The following HCN1 variants were observed in gnomAD, a reference collection of about 807,000 sequenced individuals.
HCN1 encodes the protein hyperpolarization activated cyclic nucleotide gated potassium channel 1.
In HCN1, 13 loss-of-function variants were observed where a neutral mutation model predicts 78.9. The ratio of observed to expected loss-of-function variants is 0.16; its 90% confidence interval spans 0.11 to 0.26. HCN1 has a LOEUF of 0.26. HCN1 is among the 10% of genes least tolerant of loss of function. The probability of loss-of-function intolerance (pLI) is 1.00; values close to 1 mark genes in which losing one functional copy is unlikely to be tolerated. For synonymous variants in HCN1, 552 were observed against 455.5 expected (o/e 1.21, Z -2.70); for missense variants, 810 against 1,154.3 (o/e 0.70, Z 4.32).
At chr5:45,366,597 A>G (rs565580778) in intron 4 of HCN1, among the ~76,000 whole-genome samples, 12 of 151,792 alleles carry the variant, frequency 7.9e-5, no homozygotes, top group African/African-American at 2.9e-4. Flanking sequence ...TTTCTATCTT[A>G]TTGTTTGTAG....
rs1201966482 is a variant in HCN1 at position 45,599,826 on chromosome 5, T to G, written c.849+45359A>C. 9.4e-5 allele frequency among the ~76,000 whole-genome samples: 14 copies of G among 149,040 alleles called. No homozygotes were observed. The East Asian group carries it at 1.4e-3, about 15-fold the overall frequency. On this transcript the variant is annotated intron_variant, in intron 2 of 7. Transcript: ENST00000303230. ...TTGCACACTAGAGTAGCATTTTCTG[T>G]TTTTTTTTTCCATCTTTTTTTATCC... is the stretch of plus-strand genomic sequence containing the variant.
intron 1 of HCN1, among the ~76,000 whole-genome samples, chr5:45,679,109 G>C (rs574380878): frequency 6.6e-6 from 1 of 152,164 alleles, no homozygotes; most frequent in Admixed American, 6.6e-5. Context: ...GCATATGACT[G>C]AATACCTCTG....
Position 45,618,383 on chromosome 5 carries a change from A to G in HCN1, c.849+26802T>C, listed in dbSNP as rs1313530868. The stretch of plus-strand genomic sequence containing the variant: ...TAGCTTATACCTGAACTAGAAGCCT[A>G]TAGTGATTGTGGGAACAAAGAGGTT... On this transcript the variant is annotated intron_variant, in intron 2 of 7. Transcript: ENST00000303230. Among the ~76,000 whole-genome samples the G allele has an allele frequency of 3.3e-5, 5 of 152,242 alleles. No individual in the cohort carries two copies. In the East Asian group the frequency reaches 7.7e-4, roughly 24 times the overall value.
intron 1 of HCN1, among the ~76,000 whole-genome samples, chr5:45,680,451 G>T (rs1739682299): frequency 1.3e-5 from 2 of 152,092 alleles, no homozygotes; most frequent in African/African-American, 2.4e-5. Flanking sequence ...AAAAAGATTT[G>T]CATCCCAAAA....
intron 2 of HCN1, among the ~76,000 whole-genome samples, chr5:45,583,161 T>C (rs1744122900): frequency 6.6e-6 from 1 of 152,046 alleles, no homozygotes; most frequent in Non-Finnish European, 1.5e-5. Flanking sequence ...GTCCTGGACT[T>C]TATTTGGTTG....
intron 3 of HCN1, among the ~76,000 whole-genome samples, chr5:45,413,637 A>G (rs545762709): frequency 3.9e-5 from 6 of 152,086 alleles, no homozygotes; most frequent in Non-Finnish European, 8.8e-5. Context: ...CAGAGGTAGA[A>G]ATGAAAAAGG....
chr5:45,289,374 C>T (rs1745329290), intron 6 of HCN1, among the ~76,000 whole-genome samples: 1 of 152,016 alleles, frequency 6.6e-6, no homozygotes, highest in Non-Finnish European at 1.5e-5. Context: ...TGCTTTCATG[C>T]AGTTGTACTT....
rs781215484 is a variant in HCN1 at position 45,695,326 on chromosome 5, G to A, written c.425+343C>T. Among the ~76,000 whole-genome samples, 75 of 152,182 alleles carry A rather than the reference G, an allele frequency of 4.9e-4. 1 individual carries two copies. The highest frequency in any genetic ancestry group is 8.7e-4 in the Non-Finnish European group (59 of 68,002). ...GAAGGGTGGCTTCCCGCTTCCTCAC[G>A]CTCTCGTCTCTGAAGTAAAAGTTTC... On this transcript the variant is annotated intron_variant, in intron 1 of 7. Coordinates refer to ENST00000303230, the MANE Select transcript of HCN1 (RefSeq NM_021072.4).
rs1561077069 is a variant in HCN1, at chr5:45,257,964, T to TTTTTTTTTTTTTTTGAG, written c.*3956_*3957insCTCAAAAAAAAAAAAAA. The TTTTTTTTTTTTTTTGAG allele has an allele frequency of 1.3e-5, 2 of 151,930 alleles. No individual in the cohort carries two copies. The highest frequency in any genetic ancestry group is 4.9e-5 in the African/African-American group (2 of 41,218). The allele number at this position is 151,930 out of a possible 1,614,324, so 9.4% of individuals were successfully genotyped here. ...CCCATGGTACAGTATGAGTACTTTT[T>TTTTTTTTTTTTTTTGAG]AAAGTAGGTGAACATAAAATAAAAG... On this transcript the variant is annotated 3_prime_UTR_variant, in exon 8 of 8. Coordinates refer to ENST00000303230, the MANE Select transcript of HCN1 (RefSeq NM_021072.4).
chr5:45,454,788 AT>A (rs1231979609), intron 3 of HCN1, among the ~76,000 whole-genome samples: 1 of 152,128 alleles, frequency 6.6e-6, no homozygotes, highest in Non-Finnish European at 1.5e-5. Context: ...TAGAATGGCA[AT>A]AGATAAAATA....
chr5:45,298,244 A>G (rs1478350589), intron 6 of HCN1, among the ~76,000 whole-genome samples: 1 of 152,000 alleles, frequency 6.6e-6, no homozygotes, highest in East Asian at 1.9e-4. Context: ...ATAATCGGAG[A>G]GAACTGGTAG....
At chr5:45,677,620 TTTTG>T (rs1739599986) in intron 1 of HCN1, among the ~76,000 whole-genome samples, 2 of 151,866 alleles carry the variant, frequency 1.3e-5, no homozygotes, top group South Asian at 4.1e-4. Context: ...TGTTGTTCTG[TTTTG>T]TTTATTTCTT....
chr5:45,598,362 T>C (rs1319525672), intron 2 of HCN1, among the ~76,000 whole-genome samples: 4 of 152,104 alleles, frequency 2.6e-5, no homozygotes. Flanking sequence ...TGGCTAGCCA[T>C]ATGTAGAAAG....
At chr5:45,524,890 C>G (rs1356697505) in intron 2 of HCN1, among the ~76,000 whole-genome samples, 1 of 152,120 alleles carries the variant, frequency 6.6e-6, no homozygotes, top group Non-Finnish European at 1.5e-5. Context: ...ACTTCCAACA[C>G]TATGTTGAAT....
chr5:45,566,040 G>T (rs1216532617), intron 2 of HCN1, among the ~76,000 whole-genome samples: 3 of 152,022 alleles, frequency 2.0e-5, no homozygotes, highest in African/African-American at 7.2e-5. Flanking sequence ...ATTAGTCATG[G>T]TTCTCTTAAA....
chr5:45,455,687 A>G (rs1460046341), intron 3 of HCN1, among the ~76,000 whole-genome samples: 2 of 142,304 alleles, frequency 1.4e-5, no homozygotes, highest in African/African-American at 2.6e-5. Flanking sequence ...TTCGCCCCCT[A>G]TGTTTCTGTA....
At chr5:45,310,164 C>T (rs1360665528) in intron 5 of HCN1, among the ~76,000 whole-genome samples, 10 of 151,860 alleles carry the variant, frequency 6.6e-5, no homozygotes, top group Admixed American at 6.6e-5. Context: ...AATTGACAAA[C>T]GGGAACTAAT....
rs181136422 is a variant in HCN1, at chr5:45,339,736, G to A, written c.1377+13364C>T. ...GAGGTAATGTTGAGAACCTGAATAT[G>A]GCATTTAAATATATAAAGAAAAAAT... On this transcript the variant is annotated intron_variant, in intron 5 of 7. Coordinates refer to ENST00000303230, the MANE Select transcript of HCN1 (RefSeq NM_021072.4). 2.6e-5 allele frequency among the ~76,000 whole-genome samples: 4 copies of A among 152,182 alleles called. No homozygotes were observed. The East Asian group carries it at 7.7e-4, about 29-fold the overall frequency.
At chr5:45,475,128 T>C (rs1291563858) in intron 2 of HCN1, among the ~76,000 whole-genome samples, 1 of 152,006 alleles carries the variant, frequency 6.6e-6, no homozygotes. Flanking sequence ...AACTGAATTA[T>C]GAGTATATAA....
Sources: allele counts gnomAD v4.1 joint callset (sites outside exome capture counted in the v4.1 genomes callset), GRCh38; gene constraint gnomAD v4.1.1; transcripts MANE v1.5; gene names NCBI Gene and HGNC (gene_info 2026-07-23, HGNC 2026-07-21).